The following CCSER1 variants were observed in gnomAD, a reference collection of about 807,000 sequenced individuals.
The protein encoded by CCSER1 is serine-rich coiled-coil domain-containing protein 1.
In CCSER1, 41 loss-of-function variants were observed where a neutral mutation model predicts 82.0. That is an observed-to-expected ratio of 0.50 (90% CI 0.39 to 0.65). CCSER1 has a LOEUF of 0.65. Ranked by LOEUF, CCSER1 falls within the 30% of genes least tolerant of loss-of-function variation. CCSER1 has a pLI of 0.00. For synonymous variants in CCSER1, 414 were observed against 383.9 expected, an observed-to-expected ratio of 1.08 and a Z score of -0.92; for missense variants, 1,119 against 1,064.2, an observed-to-expected ratio of 1.05 and a Z score of -0.72.
chr4:90,242,379 A>T (rs756734539), intron 1 of CCSER1, among the ~76,000 whole-genome samples: 3 of 152,206 alleles, frequency 2.0e-5, no homozygotes, highest in Non-Finnish European at 2.9e-5. Flanking sequence ...ACTATTCCCA[A>T]TGTTAAGGAA....
intron 7 of CCSER1, among the ~76,000 whole-genome samples, chr4:90,763,585 T>C (rs1483342620): frequency 6.6e-6 from 1 of 152,116 alleles, no homozygotes; most frequent in Admixed American, 6.6e-5. Context: ...ATCGAGATGT[T>C]GGTAATCAGT....
intron 1 of CCSER1, among the ~76,000 whole-genome samples, chr4:90,215,800 C>A (rs561856658): frequency 6.6e-6 from 1 of 152,100 alleles, no homozygotes. Flanking sequence ...ATCTTTGGAA[C>A]CCCAGATCTA....
rs183687212 is a variant in CCSER1 at position 90,431,291 on chromosome 4, A to G, written c.1603+31162A>G. ...CTCAGCTGTTAGTGAAGTTAAAGTT[A>G]TATTGTGTTGTCTAGCTCTGTAGAG... On this transcript the variant is annotated intron_variant, in intron 4 of 10. Transcript: ENST00000509176. Among the ~76,000 whole-genome samples the G allele has an allele frequency of 6.9e-4, 105 of 152,206 alleles. 1 individual carries two copies. Among genetic ancestry groups the G allele is most frequent in the East Asian group, 1.9e-4 (1 of 5,182 alleles).
At chr4:90,774,361 G>A (rs953494867) in intron 7 of CCSER1, among the ~76,000 whole-genome samples, 5 of 151,960 alleles carry the variant, frequency 3.3e-5, no homozygotes, top group Non-Finnish European at 7.4e-5. Context: ...AATTATCTGT[G>A]GGTGTATTAT....
intron 4 of CCSER1, among the ~76,000 whole-genome samples, chr4:90,442,335 G>A (rs1012975142): frequency 1.3e-5 from 2 of 152,116 alleles, no homozygotes; most frequent in Admixed American, 1.3e-4. Flanking sequence ...ACTAATCCAT[G>A]GCAATCAATG....
At chr4:90,307,864 T>C (rs1579091305) in intron 1 of CCSER1, among the ~76,000 whole-genome samples, 1 of 152,258 alleles carries the variant, frequency 6.6e-6, no homozygotes, top group African/African-American at 2.4e-5. Flanking sequence ...TTTATGTCTG[T>C]CACGTGCCTA....
chr4:91,430,852 A>G (rs553672267), intron 10 of CCSER1, among the ~76,000 whole-genome samples: 2 of 152,326 alleles, frequency 1.3e-5, no homozygotes, highest in East Asian at 3.9e-4. Context: ...TGCTAAACCT[A>G]TTAATGATGG....
Position 90,313,009 on chromosome 4 carries a change from C to A in CCSER1, c.1471C>A (p.Gln491Lys), listed in dbSNP as rs746603615. ...AGAAGAAGTTAATAGTTTAAGAAAGCAAAGAGCAGGTTCTTCATCTTCAAA... is the reference window on the plus strand; with the variant it reads ...AGAAGAAGTTAATAGTTTAAGAAAGAAAAGAGCAGGTTCTTCATCTTCAAA... ...NIEEVNSLRK[Q>K]RAGSSSSKMN... The change falls in exon 3 of 11, where the codon CAA becomes AAA. Residue 491 changes from glutamine to lysine, a missense_variant. Gln to Lys is a moderately conservative substitution (Grantham distance 53). Coordinates refer to ENST00000509176, the MANE Select transcript of CCSER1 (RefSeq NM_001145065.2). 1.9e-6 allele frequency: 3 copies of A among 1,604,880 alleles called. No individual in the cohort carries two copies. The Admixed American group carries it at 5.1e-5, about 27-fold the overall frequency.
chr4:91,480,942 G>A (rs1757873109), intron 10 of CCSER1, among the ~76,000 whole-genome samples: 1 of 152,110 alleles, frequency 6.6e-6, no homozygotes, highest in Non-Finnish European at 1.5e-5. Context: ...CTTAGGTTGT[G>A]TGTGTATGTG....
intron 1 of CCSER1, among the ~76,000 whole-genome samples, chr4:90,159,284 A>G (rs1247221459): frequency 2.0e-5 from 3 of 152,028 alleles, no homozygotes; most frequent in Admixed American, 6.5e-5. Flanking sequence ...GCCTCAAGCA[A>G]TCTTCCCTCC....
At chr4:91,161,287 G>C (rs1351006763) in intron 10 of CCSER1, among the ~76,000 whole-genome samples, 1 of 152,154 alleles carries the variant, frequency 6.6e-6, no homozygotes, top group Non-Finnish European at 1.5e-5. Context: ...CTAGTACCCT[G>C]CTGTTTTGAT....
chr4:90,967,618 G>C (rs1321429734), intron 9 of CCSER1, among the ~76,000 whole-genome samples: 4 of 151,892 alleles, frequency 2.6e-5, no homozygotes, highest in African/African-American at 9.7e-5. Context: ...AAAAATAAAT[G>C]AGTAAATCCA....
At chr4:91,597,670 G>A (rs1021978053) in intron 10 of CCSER1, among the ~76,000 whole-genome samples, 1 of 152,122 alleles carries the variant, frequency 6.6e-6, no homozygotes, top group South Asian at 2.1e-4. Flanking sequence ...AAGCAAATGA[G>A]CCTGCAGCTA....
chr4:91,174,825 T>C (rs1733144129), intron 10 of CCSER1, among the ~76,000 whole-genome samples: 2 of 34,930 alleles, frequency 5.7e-5, no homozygotes, highest in African/African-American at 1.7e-4. Flanking sequence ...TTCTTTTCTT[T>C]TTTTTTTTTT....
intron 3 of CCSER1, among the ~76,000 whole-genome samples, chr4:90,369,104 A>T (rs548544728): frequency 1.3e-5 from 2 of 152,038 alleles, no homozygotes; most frequent in East Asian, 3.9e-4. Context: ...TAAAGCCAAA[A>T]GCTATTTAGT....
intron 10 of CCSER1, among the ~76,000 whole-genome samples, chr4:91,531,258 T>C (rs1761015120): frequency 6.6e-6 from 1 of 152,174 alleles, no homozygotes; most frequent in South Asian, 2.1e-4. Context: ...TTGGAGGATT[T>C]CTCCATTCAG....
intron 10 of CCSER1, among the ~76,000 whole-genome samples, chr4:91,256,147 G>C (rs1431692800): frequency 6.6e-6 from 1 of 152,014 alleles, no homozygotes; most frequent in Non-Finnish European, 1.5e-5. Flanking sequence ...TGGGTGGGGG[G>C]GCCCTCTAAA....
At chr4:91,041,706 T>C (rs962774337) in intron 9 of CCSER1, among the ~76,000 whole-genome samples, 1 of 152,204 alleles carries the variant, frequency 6.6e-6, no homozygotes, top group African/African-American at 2.4e-5. Flanking sequence ...TTTGCCAGCA[T>C]AAAATACCTG....
Position 90,552,975 on chromosome 4 carries a change from AT to A in CCSER1, c.1725-75036del, listed in dbSNP as rs745450293. Reference sequence around the variant, plus strand: ...TTCATAAATGGTCACTAAATTAACCATTTTTTTTTTTTTTGAGACGGAGTCT... The same window carrying A: ...TTCATAAATGGTCACTAAATTAACCATTTTTTTTTTTTTGAGACGGAGTCT... On this transcript the variant is annotated intron_variant, in intron 5 of 10. Coordinates refer to ENST00000509176, the MANE Select transcript of CCSER1 (RefSeq NM_001145065.2). Among the ~76,000 whole-genome samples, 1,159 of 143,506 alleles carry A rather than the reference AT, an allele frequency of 8.1e-3. 1 individual carries two copies. The highest frequency in any genetic ancestry group is 0.011 in the Middle Eastern group (3 of 272). The allele number at this position is 143,506 out of a possible 152,430, so 94.1% of individuals were successfully genotyped here.
Sources: gnomAD v4.1 joint callset for allele counts (sites outside exome capture counted in the v4.1 genomes callset) on GRCh38, gnomAD v4.1.1 for gene constraint, MANE v1.5 for transcripts, NCBI Gene and HGNC (gene_info 2026-07-23, HGNC 2026-07-21) for gene names.